GPR15: variants seen among roughly 807,000 people sequenced by gnomAD.
GPR15 encodes G protein-coupled receptor 15.
In GPR15, 16 loss-of-function variants were observed where a neutral mutation model predicts 19.3. The ratio of observed to expected loss-of-function variants is 0.83; its 90% CI spans 0.56 to 1.26. GPR15 has a LOEUF of 1.26. GPR15 is among the 50% of genes most tolerant of loss of function. The pLI is 0.00. For synonymous variants in GPR15, 170 were observed against 171.2 expected, an observed-to-expected ratio of 0.99 and a Z score of 0.05; for missense variants, 458 against 429.4, an observed-to-expected ratio of 1.07 and a Z score of -0.59.
Position 98,534,656 on chromosome 3 carries a change from A to C in GPR15, c.*1540A>C, listed in dbSNP as rs966370866. Among the ~76,000 whole-genome samples the C allele has an allele frequency of 6.6e-6, 1 of 152,140 alleles. No homozygotes were observed. The highest frequency in any genetic ancestry group is 2.4e-5 in the African/African-American group (1 of 41,468). ...GTTAATTTTTCTTAAACTGTTATTA[A>C]ATAAAAATATAATTTCCTTACATAA... is the stretch of plus-strand genomic sequence containing the variant. On this transcript the variant is annotated 3_prime_UTR_variant, in exon 1 of 1. Transcript: ENST00000284311.
chr3:98,533,097 A>G lies in GPR15; in HGVS notation c.1064A>G (p.Lys355Arg). ...IHAEDFARRR[K>R]RSVSL is the part of the protein sequence containing the mutation. ...GCAGAAGATTTTGCCAGGAGGAGGA[A>G]GAGGTCTGTGTCACTCTAAAGGGAA... is the stretch of plus-strand genomic sequence containing the variant. Residue 355 changes from lysine to arginine, a missense_variant, in exon 1 of 1, where the codon AAG becomes AGG. Lys to Arg is a conservative substitution (Grantham distance 26). Coordinates refer to ENST00000284311, the MANE Select transcript of GPR15 (RefSeq NM_005290.4). 3 of 1,609,312 alleles carry G rather than the reference A, an allele frequency of 1.9e-6. No homozygotes were observed. Among genetic ancestry groups the G allele is most frequent in the Non-Finnish European group, 2.5e-6 (3 of 1,179,374 alleles).
chr3:98,533,300 C>G lies in GPR15; in HGVS notation c.*184C>G, dbSNP rs973256351. The G allele has an allele frequency of 1.2e-5, 8 of 664,730 alleles. No individual in the cohort carries two copies. Among genetic ancestry groups the G allele is most frequent in the African/African-American group, 1.8e-5 (1 of 55,210 alleles). 41.2% of individuals were successfully genotyped at this position (664,730 alleles called of 1,614,324 possible). A position where few individuals can be genotyped will look rare whatever the true frequency, so the allele number is the denominator to read the frequency against. ...ATAATTAGGCCATGTGCTGTTTTCT[C>G]AGCTAAGCAGCCTTCTTCGACCCTT... On this transcript the variant is annotated 3_prime_UTR_variant, in exon 1 of 1. Transcript: ENST00000284311.
rs1706661008 is a variant in GPR15 at position 98,532,894 on chromosome 3, T to C, written c.861T>C (p.Ser287=). 2 of 1,613,968 alleles carry C rather than the reference T, an allele frequency of 1.2e-6. No individual in the cohort carries two copies. Among genetic ancestry groups the C allele is most frequent in the Non-Finnish European group, 1.7e-6 (2 of 1,180,022 alleles). Residue 287 remains serine, a synonymous_variant, in exon 1 of 1, where the codon AGT becomes AGC. Transcript: ENST00000284311. ...SAILQLGMEV[S]GPLAFANSCV... is the part of the protein sequence containing the mutation. The stretch of plus-strand genomic sequence containing the variant: ...TTCTTCAGCTTGGTATGGAGGTGAG[T>C]GGACCCTTGGCATTTGCCAACAGCT...
rs1706642967 is a variant in GPR15, at chr3:98,532,114, C to T, written c.81C>T (p.Ser27=). 2 of 1,614,158 alleles carry T rather than the reference C, an allele frequency of 1.2e-6. No homozygotes were observed. Among genetic ancestry groups the T allele is most frequent in the Non-Finnish European group, 1.7e-6 (2 of 1,180,020 alleles). ...ACTCTGACATCAGGGAGACCCACTC[C>T]CATGTTCCTTACACCTCTGTCTTCC... The part of the protein sequence containing the change: ...SPNSDIRETH[S]HVPYTSVFLP... The change falls in exon 1 of 1, where the codon TCC becomes TCT. Residue 27 remains serine, a synonymous_variant. Transcript: ENST00000284311.
Position 98,533,231 on chromosome 3 carries a change from G to T in GPR15, c.*115G>T. The T allele has an allele frequency of 8.4e-7, 1 of 1,186,228 alleles. No individual in the cohort carries two copies. The highest frequency in any genetic ancestry group is 1.2e-6 in the Non-Finnish European group (1 of 864,364). 73.5% of individuals were successfully genotyped at this position (1,186,228 alleles called of 1,614,324 possible). Reference sequence around the variant, plus strand: ...CATTGCTTCATAGATGCAAGGAAGAGTTCATTTTTAAAGAGAGGACTGAAA... The same window carrying T: ...CATTGCTTCATAGATGCAAGGAAGATTTCATTTTTAAAGAGAGGACTGAAA... On this transcript the variant is annotated 3_prime_UTR_variant, in exon 1 of 1. Coordinates refer to ENST00000284311, the MANE Select transcript of GPR15 (RefSeq NM_005290.4).
At position 98,533,079 on chromosome 3, in the gene GPR15, A is replaced by G; in HGVS notation, c.1046A>G (p.Asp349Gly). ...KALSTFIHAEDFARRRKRSVS... is the reference protein window; with the variant it reads ...KALSTFIHAEGFARRRKRSVS... Reference sequence around the variant, plus strand: ...CTCTCCACCTTCATTCATGCAGAAGATTTTGCCAGGAGGAGGAAGAGGTCT... The same window carrying G: ...CTCTCCACCTTCATTCATGCAGAAGGTTTTGCCAGGAGGAGGAAGAGGTCT... The change falls in exon 1 of 1, where the codon GAT (aspartate) becomes GGT (glycine). Residue 349 changes from aspartate (D) to glycine (G), a missense_variant. Physicochemically the swap from Asp to Gly is moderately conservative, Grantham distance 94 (BLOSUM62 -1). Coordinates refer to ENST00000284311, the MANE Select transcript of GPR15 (RefSeq NM_005290.4). 6.2e-7 allele frequency: 1 copy of G among 1,612,204 alleles called. No homozygotes were observed. The highest frequency in any genetic ancestry group is 8.5e-7 in the Non-Finnish European group (1 of 1,179,724).
Position 98,532,189 on chromosome 3 carries a change from T to C in GPR15, c.156T>C (p.Leu52=), listed in dbSNP as rs764677255. The C allele has an allele frequency of 5.0e-6, 8 of 1,614,236 alleles. No homozygotes were observed. The Middle Eastern group carries it at 4.9e-4, about 100-fold the overall frequency. The change falls in exon 1 of 1, where the codon CTT becomes CTC. Residue 52 remains leucine, a synonymous_variant. Transcript: ENST00000284311. ...TCCTGACTGGAGTGCTGGGGAACCTTGTTCTCATGGGAGCGTTGCATTTCA... is the reference window on the plus strand; with the variant it reads ...TCCTGACTGGAGTGCTGGGGAACCTCGTTCTCATGGGAGCGTTGCATTTCA... ...AVFLTGVLGN[L]VLMGALHFKP... is the part of the protein sequence containing the mutation.
rs559588243 is a variant in GPR15 at position 98,533,076 on chromosome 3, A to C, written c.1043A>C (p.Glu348Ala). Residue 348 changes from glutamate (E) to alanine (A), a missense_variant, in exon 1 of 1, where the codon GAA becomes GCA. Glu to Ala is a moderately radical substitution (Grantham distance 107, BLOSUM62 -1). Transcript: ENST00000284311. ...TKALSTFIHA[E>A]DFARRRKRSV... Reference sequence around the variant, plus strand: ...GCTCTCTCCACCTTCATTCATGCAGAAGATTTTGCCAGGAGGAGGAAGAGG... The same window carrying C: ...GCTCTCTCCACCTTCATTCATGCAGCAGATTTTGCCAGGAGGAGGAAGAGG... 2 of 1,612,582 alleles carry C rather than the reference A, an allele frequency of 1.2e-6. No homozygotes were observed. Among genetic ancestry groups the C allele is most frequent in the African/African-American group, 1.3e-5 (1 of 75,010 alleles).
Position 98,532,380 on chromosome 3 carries a change from A to G in GPR15, c.347A>G (p.Asn116Ser). The change falls in exon 1 of 1, where the codon AAT becomes AGT. Residue 116 changes from asparagine to serine, a missense_variant. Asn to Ser is a conservative substitution (Grantham distance 46). Coordinates refer to ENST00000284311, the MANE Select transcript of GPR15 (RefSeq NM_005290.4). ...CKGSSYMISV[N>S]MHCSVLLLTC... is the part of the protein sequence containing the mutation. The stretch of plus-strand genomic sequence containing the variant: ...GGGAGCTCCTACATGATCTCCGTCA[A>G]TATGCACTGCAGTGTCCTCCTGCTC... 6.2e-7 allele frequency: 1 copy of G among 1,614,210 alleles called. No homozygotes were observed. Among genetic ancestry groups the G allele is most frequent in the Non-Finnish European group, 8.5e-7 (1 of 1,180,036 alleles).
Position 98,532,784 on chromosome 3 carries a change from C to A in GPR15, c.751C>A (p.Leu251Ile), listed in dbSNP as rs758034632. ...KIIFIVVAAFLVSWLPFNTFK... is the reference protein window; with the variant it reads ...KIIFIVVAAFIVSWLPFNTFK... ...CATCTTTATTGTCGTGGCAGCCTTTCTTGTCTCCTGGCTGCCCTTCAATAC... is the reference window on the plus strand; with the variant it reads ...CATCTTTATTGTCGTGGCAGCCTTTATTGTCTCCTGGCTGCCCTTCAATAC... The change falls in exon 1 of 1, where the codon CTT (leucine) becomes ATT (isoleucine). Residue 251 changes from leucine (L) to isoleucine (I), a missense_variant. By Grantham distance (5) the Leu-to-Ile change is conservative (BLOSUM62 2). Transcript: ENST00000284311. 7 of 1,613,714 alleles carry A rather than the reference C, an allele frequency of 4.3e-6. No homozygotes were observed. The highest frequency in any genetic ancestry group is 5.1e-6 in the Non-Finnish European group (6 of 1,179,874).
At position 98,532,238 on chromosome 3, in the gene GPR15, G is replaced by T. The variant is rs377521784; in HGVS notation, c.205G>T (p.Asp69Tyr). 6.2e-7 allele frequency: 1 copy of T among 1,613,928 alleles called. No individual in the cohort carries two copies. Among genetic ancestry groups the T allele is most frequent in the Non-Finnish European group, 8.5e-7 (1 of 1,180,000 alleles). ...HFKPGSRRLI[D>Y]IFIINLAASD... ...CAAACCCGGCAGCCGAAGACTGATC[G>T]ACATCTTTATCATCAATCTGGCTGC... Residue 69 changes from aspartate (D) to tyrosine (Y), a missense_variant, in exon 1 of 1, where the codon GAC (aspartate) becomes TAC (tyrosine). By Grantham distance (160) the Asp-to-Tyr change is radical (BLOSUM62 -3). Coordinates refer to ENST00000284311, the MANE Select transcript of GPR15 (RefSeq NM_005290.4).
rs1430959092 is a variant in GPR15, at chr3:98,532,566, A to T, written c.533A>T (p.Asp178Val). 2.5e-6 allele frequency: 4 copies of T among 1,614,034 alleles called. No homozygotes were observed. In the African/African-American group the frequency reaches 4.0e-5, roughly 16 times the overall value. Residue 178 changes from aspartate to valine, a missense_variant, in exon 1 of 1, where the codon GAT (aspartate) becomes GTT (valine). By Grantham distance (152) the Asp-to-Val change is radical (BLOSUM62 -3). Transcript: ENST00000284311. ...CTGTCCAGGGAGCTCACGCTGATTG[A>T]TGATAAGCCATACTGTGCAGAGAAA... ...TLLSRELTLIDDKPYCAEKKA... is the reference protein window; with the variant it reads ...TLLSRELTLIVDKPYCAEKKA...
In GPR15 at chr3:98,533,343, G is replaced by A. The variant is rs1576281777; in HGVS notation, c.*227G>A. ...CGACCCTTGCCAATCAAGTCCACCA[G>A]ACAAAATCCAATTCCCATCTGTCCT... On this transcript the variant is annotated 3_prime_UTR_variant, in exon 1 of 1. Transcript: ENST00000284311. 2.6e-5 allele frequency among the ~76,000 whole-genome samples: 4 copies of A among 152,262 alleles called. No individual in the cohort carries two copies. The highest frequency in any genetic ancestry group is 2.6e-4 in the Admixed American group (4 of 15,292).
chr3:98,532,458 G>A lies in GPR15; in HGVS notation c.425G>A (p.Arg142Lys), dbSNP rs774066071. The change falls in exon 1 of 1, where the codon AGG becomes AAG. Residue 142 changes from arginine to lysine, a missense_variant. Transcript: ENST00000284311. ...GCCATTGTGTGGCCAGTCGTATCCA[G>A]GAAATTCAGAAGGACAGACTGTGCA... ...YLAIVWPVVS[R>K]KFRRTDCAYV... is the part of the protein sequence containing the mutation. 1 of 1,614,030 alleles carries A rather than the reference G, an allele frequency of 6.2e-7. No homozygotes were observed. The highest frequency in any genetic ancestry group is 1.3e-5 in the African/African-American group (1 of 74,896).
rs566921125 is a variant in GPR15 at position 98,533,832 on chromosome 3, C to T, written c.*716C>T. ...TATGGCAGGATTCAACATCTATTTG[C>T]TTTATAAGATATTGATAAAAATGTA... On this transcript the variant is annotated 3_prime_UTR_variant, in exon 1 of 1. Coordinates refer to ENST00000284311, the MANE Select transcript of GPR15 (RefSeq NM_005290.4). Among the ~76,000 whole-genome samples, 8 of 152,228 alleles carry T rather than the reference C, an allele frequency of 5.3e-5. No homozygotes were observed. Among genetic ancestry groups the T allele is most frequent in the African/African-American group, 1.4e-4 (6 of 41,534 alleles).
rs16839907 is a variant in GPR15, at chr3:98,534,045, C to G, written c.*929C>G. On this transcript the variant is annotated 3_prime_UTR_variant, in exon 1 of 1. Transcript: ENST00000284311. ...GAACTCATAAAATGCTTAGCTGTAC[C>G]CCGATGCAGATTATCATTTTGTATT... Among the ~76,000 whole-genome samples, 18,924 of 151,912 alleles carry G rather than the reference C, an allele frequency of 0.12. 1,278 individuals are homozygous for G. The highest frequency in any genetic ancestry group is 0.15 in the Non-Finnish European group (10,034 of 67,942).
rs374086937 is a variant in GPR15 at position 98,532,205 on chromosome 3, T to C, written c.172T>C (p.Leu58=). The change falls in exon 1 of 1, where the codon TTG becomes CTG. Residue 58 remains leucine (L), a synonymous_variant. Coordinates refer to ENST00000284311, the MANE Select transcript of GPR15 (RefSeq NM_005290.4). ...GGGGAACCTTGTTCTCATGGGAGCGTTGCATTTCAAACCCGGCAGCCGAAG... is the reference window on the plus strand; with the variant it reads ...GGGGAACCTTGTTCTCATGGGAGCGCTGCATTTCAAACCCGGCAGCCGAAG... ...VLGNLVLMGA[L]HFKPGSRRLI... The C allele has an allele frequency of 4.1e-5, 66 of 1,614,042 alleles. No individual in the cohort carries two copies. In the Middle Eastern group the frequency reaches 4.9e-4, roughly 12 times the overall value.
At position 98,532,796 on chromosome 3, in the gene GPR15, C is replaced by T; in HGVS notation, c.763C>T (p.Leu255=). 1.9e-6 allele frequency: 3 copies of T among 1,613,996 alleles called. No homozygotes were observed. Among genetic ancestry groups the T allele is most frequent in the Non-Finnish European group, 2.5e-6 (3 of 1,179,934 alleles). The change falls in exon 1 of 1, where the codon CTG becomes TTG. Residue 255 remains leucine, a synonymous_variant. Coordinates refer to ENST00000284311, the MANE Select transcript of GPR15 (RefSeq NM_005290.4). ...CGTGGCAGCCTTTCTTGTCTCCTGG[C>T]TGCCCTTCAATACTTTCAAGTTCCT... is the stretch of plus-strand genomic sequence containing the variant. ...IVVAAFLVSW[L]PFNTFKFLAI...
Position 98,532,835 on chromosome 3 carries a change from G to C in GPR15, c.802G>C (p.Gly268Arg), listed in dbSNP as rs761993974. ...TTTCAAGTTCCTGGCCATTGTCTCT[G>C]GGTTGCGGCAAGAACACTATTTACC... is the stretch of plus-strand genomic sequence containing the variant. ...NTFKFLAIVS[G>R]LRQEHYLPSA... The change falls in exon 1 of 1, where the codon GGG becomes CGG. Residue 268 changes from glycine to arginine, a missense_variant. By Grantham distance (125) the Gly-to-Arg change is moderately radical. Transcript: ENST00000284311. 6 of 1,613,994 alleles carry C rather than the reference G, an allele frequency of 3.7e-6. No homozygotes were observed. Among genetic ancestry groups the C allele is most frequent in the Non-Finnish European group, 5.1e-6 (6 of 1,179,908 alleles).
Sources: allele counts gnomAD v4.1 joint callset (sites outside exome capture counted in the v4.1 genomes callset), GRCh38; gene constraint gnomAD v4.1.1; transcripts MANE v1.5; gene names NCBI Gene and HGNC (gene_info 2026-07-23, HGNC 2026-07-21).